The following NRF1 variants were observed in gnomAD, a reference collection of about 807,000 sequenced individuals.
NRF1 encodes the protein nuclear respiratory factor 1.
In NRF1, 5 loss-of-function variants were observed where a neutral mutation model predicts 58.5. That is an observed-to-expected ratio of 0.09 (90% CI 0.04 to 0.18). The LOEUF is 0.18. NRF1 is among the 10% of genes least tolerant of loss of function. NRF1 has a pLI of 1.00. For synonymous variants in NRF1, 224 were observed against 246.7 expected, an observed-to-expected ratio of 0.91 and a Z score of 0.86; for missense variants, 288 against 657.7, an observed-to-expected ratio of 0.44 and a Z score of 6.15.
At chr7:129,728,641 G>A (rs552579289) in intron 10 of NRF1, among the ~76,000 whole-genome samples, 14 of 152,190 alleles carry the variant, frequency 9.2e-5, no homozygotes, top group Non-Finnish European at 2.1e-4. Context: ...AGTTGGAAAA[G>A]TCTTTGAAGA....
intron 9 of NRF1, among the ~76,000 whole-genome samples, chr7:129,718,139 T>G (rs1795974003): frequency 6.6e-6 from 1 of 152,226 alleles, no homozygotes; most frequent in Admixed American, 6.5e-5. Flanking sequence ...TTCTTTCTAC[T>G]GGTTGTTGAC....
chr7:129,634,059 T>TACACACACACACACAC (rs1358874411), intron 1 of NRF1, among the ~76,000 whole-genome samples: 2 of 124,822 alleles, frequency 1.6e-5, no homozygotes, highest in Non-Finnish European at 3.4e-5. Context: ...TATATATATA[T>TACACACACACACACAC]ATACACACAC....
intron 4 of NRF1, among the ~76,000 whole-genome samples, chr7:129,683,320 T>A (rs35647565): frequency 0.17 from 23,411 of 135,844 alleles, 2,032 homozygotes; most frequent in Admixed American, 0.23. Flanking sequence ...TGTGTGTGTG[T>A]GAGAGAGAGA....
At position 129,657,528 on chromosome 7, in the gene NRF1, C is replaced by T. The variant is rs141371391; in HGVS notation, c.177C>T (p.Leu59=). The part of the protein sequence containing the change: ...EDTSYDDSDI[L]NSTAADEVTA... ...CCTCTTACGATGACTCAGATATACT[C>T]AACTCCACAGCAGCTGATGAGGTGA... is the stretch of plus-strand genomic sequence containing the variant. Residue 59 remains leucine, a synonymous_variant, in exon 2 of 11, where the codon CTC becomes CTT. Coordinates refer to ENST00000393232, the MANE Select transcript of NRF1 (RefSeq NM_005011.5). The T allele has an allele frequency of 1.0e-4, 168 of 1,613,944 alleles. No individual in the cohort carries two copies. The highest frequency in any genetic ancestry group is 5.0e-4 in the Middle Eastern group (3 of 6,056).
At chr7:129,617,091 G>C (rs553379331) in intron 1 of NRF1, among the ~76,000 whole-genome samples, 1 of 152,318 alleles carries the variant, frequency 6.6e-6, no homozygotes, top group South Asian at 2.1e-4. Context: ...AATGTGAAAA[G>C]TTTGGCTGAT....
chr7:129,620,550 A>T (rs1023408591), intron 1 of NRF1, among the ~76,000 whole-genome samples: 2 of 151,804 alleles, frequency 1.3e-5, no homozygotes, highest in African/African-American at 4.8e-5. Context: ...CACCATGCCC[A>T]GCTAATTTTT....
At chr7:129,636,930 C>T (rs1801179543) in intron 1 of NRF1, among the ~76,000 whole-genome samples, 1 of 152,128 alleles carries the variant, frequency 6.6e-6, no homozygotes. Context: ...TTCAGTTTCT[C>T]TTAAACTTTC....
At chr7:129,712,304 C>T (rs759074494) in intron 8 of NRF1, among the ~76,000 whole-genome samples, 7 of 152,316 alleles carry the variant, frequency 4.6e-5, no homozygotes, top group Admixed American at 6.5e-5. Context: ...GGGTTTGTTA[C>T]GTCACCATGA....
At chr7:129,702,816 G>A (rs1802856623) in intron 5 of NRF1, among the ~76,000 whole-genome samples, 2 of 152,170 alleles carry the variant, frequency 1.3e-5, no homozygotes. Context: ...TTCAGTAGAG[G>A]TGGAGTTGGC....
At chr7:129,743,170 T>C (rs942791572) in intron 10 of NRF1, among the ~76,000 whole-genome samples, 5 of 64,842 alleles carry the variant, frequency 7.7e-5, no homozygotes, top group African/African-American at 1.7e-4. Flanking sequence ...CTCCTACCCC[T>C]TGTTTAAAAA....
At chr7:129,740,273 A>T (rs1344515426) in intron 10 of NRF1, among the ~76,000 whole-genome samples, 1 of 152,206 alleles carries the variant, frequency 6.6e-6, no homozygotes, top group Non-Finnish European at 1.5e-5. Context: ...CATTGGAGGC[A>T]TGCAGTAACT....
chr7:129,684,883 C>A (rs2151090065), intron 4 of NRF1, among the ~76,000 whole-genome samples: 1 of 152,244 alleles, frequency 6.6e-6, no homozygotes, highest in South Asian at 2.1e-4. Flanking sequence ...AACTGGGAAT[C>A]CCAAAGGACT....
intron 10 of NRF1, among the ~76,000 whole-genome samples, chr7:129,748,827 G>A (rs771325066): frequency 8.5e-5 from 13 of 152,140 alleles, no homozygotes; most frequent in African/African-American, 2.9e-4. Flanking sequence ...CCATTTCCAC[G>A]GATACATGCA....
At chr7:129,735,147 A>C in intron 10 of NRF1, 5 of 985,318 alleles carry the variant, frequency 5.1e-6, no homozygotes, top group Non-Finnish European at 6.0e-6. Context: ...CTGAAGACTC[A>C]GAAACCACCT....
intron 2 of NRF1, among the ~76,000 whole-genome samples, chr7:129,661,726 T>A (rs1467440593): frequency 6.6e-6 from 1 of 150,992 alleles, no homozygotes; most frequent in African/African-American, 2.5e-5. Flanking sequence ...TTCCAAACTT[T>A]CCTACATTTT....
intron 10 of NRF1, among the ~76,000 whole-genome samples, chr7:129,748,571 A>G (rs1379424313): frequency 6.6e-6 from 1 of 152,202 alleles, no homozygotes; most frequent in African/African-American, 2.4e-5. Context: ...TGTGATTGTA[A>G]TGAGGGGATA....
chr7:129,620,511 C>G (rs1272821130), intron 1 of NRF1, among the ~76,000 whole-genome samples: 1 of 151,836 alleles, frequency 6.6e-6, no homozygotes, highest in African/African-American at 2.4e-5. Flanking sequence ...GCCTCAGCCT[C>G]CCAAGCAGCT....
chr7:129,619,421 T>TACACACACAC (rs1167995584), intron 1 of NRF1, among the ~76,000 whole-genome samples: 3 of 95,798 alleles, frequency 3.1e-5, no homozygotes, highest in African/African-American at 1.7e-4. Flanking sequence ...TATATATATA[T>TACACACACAC]ATATATATAT....
intron 2 of NRF1, among the ~76,000 whole-genome samples, chr7:129,670,356 G>A (rs1802019413): frequency 6.6e-6 from 1 of 152,158 alleles, no homozygotes; most frequent in African/African-American, 2.4e-5. Context: ...TAAGTAAAAT[G>A]TTGGTAAATG....
Sources: allele counts gnomAD v4.1 joint callset (sites outside exome capture counted in the v4.1 genomes callset), GRCh38; gene constraint gnomAD v4.1.1; transcripts MANE v1.5; gene names NCBI Gene and HGNC (gene_info 2026-07-23, HGNC 2026-07-21).